AMZ1: variants seen among roughly 807,000 people sequenced by gnomAD.
The protein encoded by AMZ1 is archaemetzincin-1.
AMZ1 carries 39 observed loss-of-function variants against 29.9 expected under a neutral mutation model. That is an observed-to-expected ratio of 1.30 (90% confidence interval 1.01 to 1.70). The LOEUF is 1.70. Ranked by LOEUF, AMZ1 falls within the 40% of genes most tolerant of loss-of-function variation. The probability of loss-of-function intolerance (pLI) is 0.00; values close to 1 mark genes in which losing one functional copy is unlikely to be tolerated. For synonymous variants in AMZ1, 458 were observed against 304.0 expected (o/e 1.51, Z -5.27); for missense variants, 1,041 against 680.6 (o/e 1.53, Z -5.89).
At chr7:2,736,936 C>A (rs1384043583) in intron 4 of AMZ1, among the ~76,000 whole-genome samples, 3 of 152,208 alleles carry the variant, frequency 2.0e-5, no homozygotes, top group Non-Finnish European at 2.9e-5. Flanking sequence ...AGGACCAGAC[C>A]CTCGAGATCA....
At chr7:2,697,970 T>C (rs1336749649) in intron 1 of AMZ1, among the ~76,000 whole-genome samples, 1 of 152,242 alleles carries the variant, frequency 6.6e-6, no homozygotes, top group Non-Finnish European at 1.5e-5. Flanking sequence ...TGTGCACACA[T>C]GTATATACAG....
chr7:2,752,724 T>A (rs529575463), intron 4 of AMZ1, among the ~76,000 whole-genome samples: 1 of 152,272 alleles, frequency 6.6e-6, no homozygotes, highest in Non-Finnish European at 1.5e-5. Flanking sequence ...AACGTGAATT[T>A]TTTTTTGCCG....
chr7:2,761,669 A>T (rs1791561810), upstream of AMZ1, among the ~76,000 whole-genome samples: 1 of 152,172 alleles, frequency 6.6e-6, no homozygotes, highest in Admixed American at 6.5e-5. Context: ...CAGGATTTAC[A>T]ATTTGCAGCT....
chr7:2,697,316 C>T (rs987784279), intron 1 of AMZ1, among the ~76,000 whole-genome samples: 5 of 151,820 alleles, frequency 3.3e-5, no homozygotes, highest in African/African-American at 9.7e-5. Flanking sequence ...AGGATGGTCT[C>T]GAACTCCTGA....
At chr7:2,724,353 G>A (rs760328990), downstream of AMZ1, among the ~76,000 whole-genome samples, 8 of 152,254 alleles carry the variant, frequency 5.3e-5, no homozygotes, top group Non-Finnish European at 8.8e-5. Context: ...ACGACAAATA[G>A]GTGGGGTTAC....
chr7:2,744,097 G>A (rs1790646521), intron 4 of AMZ1, among the ~76,000 whole-genome samples: 1 of 152,220 alleles, frequency 6.6e-6, no homozygotes, highest in South Asian at 2.1e-4. Context: ...CTGGGGGCAG[G>A]GCACAGACAA....
At chr7:2,729,524 T>C (rs1028080543) in intron 4 of AMZ1, 1 of 152,326 alleles carries the variant, frequency 6.6e-6, no homozygotes, top group Non-Finnish European at 1.5e-5. Context: ...TGTCTCCCGA[T>C]GAGAACGCTG....
At chr7:2,703,737 C>G (rs145450031) in intron 3 of AMZ1, among the ~76,000 whole-genome samples, 6 of 152,222 alleles carry the variant, frequency 3.9e-5, no homozygotes, top group African/African-American at 1.4e-4. Flanking sequence ...GTTATCACCT[C>G]TGCCCCATTC....
rs180672044 is a variant in AMZ1 at position 2,700,818 on chromosome 7, G to T, written c.304+63G>T. 5.8e-5 allele frequency: 90 copies of T among 1,560,932 alleles called. No homozygotes were observed. In the African/African-American group the frequency reaches 1.0e-3, roughly 18 times the overall value. On this transcript the variant is annotated intron_variant, in intron 2 of 6. Coordinates refer to ENST00000683327, the MANE Select transcript of AMZ1 (RefSeq NM_001384743.1). The stretch of plus-strand genomic sequence containing the variant: ...GACCAGCTTATATATAGCACAAGTG[G>T]GGGATGTCTGTGCATAGCCCCCAGG...
chr7:2,764,789 C>A (rs148852844), exon 1 of AMZ1: 66 of 152,380 alleles, frequency 4.3e-4, no homozygotes, highest in African/African-American at 1.5e-3. Flanking sequence ...ATTCTCCCAG[C>A]GTGAGCCGGC....
chr7:2,746,510 T>G (rs1790770575), intron 4 of AMZ1, among the ~76,000 whole-genome samples: 1 of 151,736 alleles, frequency 6.6e-6, no homozygotes, highest in Non-Finnish European at 1.5e-5. Flanking sequence ...CTGGGACACA[T>G]TCAAAGCAGT....
At chr7:2,699,718 G>C (rs975778334) in intron 1 of AMZ1, among the ~76,000 whole-genome samples, 1 of 152,178 alleles carries the variant, frequency 6.6e-6, no homozygotes, top group African/African-American at 2.4e-5. Context: ...GCGATGGGGG[G>C]ACCCAGGTGA....
At chr7:2,706,515 A>T (rs116184960) in intron 3 of AMZ1, among the ~76,000 whole-genome samples, 1,728 of 152,330 alleles carry the variant, frequency 0.011, 44 homozygotes, top group African/African-American at 0.039. Flanking sequence ...TGGCAGGGCC[A>T]CGTGGTCTCA....
chr7:2,709,931 G>A (rs13224990), intron 6 of AMZ1, 115 bp downstream of exon 6: 615,909 of 1,413,346 alleles, frequency 0.44, 139,820 homozygotes, highest in Middle Eastern at 0.59. Context: ...GTCAACTGCC[G>A]GGTTCCAGGC....
downstream of AMZ1, among the ~76,000 whole-genome samples, chr7:2,720,223 G>A (rs1789360641): frequency 6.6e-6 from 1 of 152,156 alleles, no homozygotes; most frequent in East Asian, 1.9e-4. Context: ...CCACGCGGAC[G>A]CCCATCCACA....
At chr7:2,754,785 T>A (rs1293524577) in intron 4 of AMZ1, among the ~76,000 whole-genome samples, 1 of 152,094 alleles carries the variant, frequency 6.6e-6, no homozygotes, top group Non-Finnish European at 1.5e-5. Flanking sequence ...ATTTCAAATT[T>A]TGATGAAACA....
At chr7:2,728,483 TAA>T (rs1159912039) in intron 4 of AMZ1, 1 of 152,364 alleles carries the variant, frequency 6.6e-6, no homozygotes, top group African/African-American at 2.4e-5. Flanking sequence ...TCTACGAACA[TAA>T]GAGTTAAAAA....
intron 2 of AMZ1, 34 bp from the exon 3 acceptor site, chr7:2,702,688 C>T (rs560297819): frequency 6.0e-5 from 89 of 1,495,300 alleles, no homozygotes; most frequent in Admixed American, 1.3e-4. Flanking sequence ...CGGGCAGGGG[C>T]GTCGCAGGGC....
rs76478938 is a variant in AMZ1, at chr7:2,731,391, C to T, written n.550+21575C>T. On this transcript the variant is annotated intron_variant and non_coding_transcript_variant, in intron 4 of 4. Coordinates refer to the AMZ1 transcript ENST00000489665. The surrounding 1 kb of genome is among the most constrained non-coding windows in gnomAD (Gnocchi z 6.0). ...GGTCGCCCCTGAAGTCCGGGAAGTGCTTCTTGATGCTCACGGTCTTCACCT... is the reference window on the plus strand; with the variant it reads ...GGTCGCCCCTGAAGTCCGGGAAGTGTTTCTTGATGCTCACGGTCTTCACCT... 3 of 1,613,280 alleles carry T rather than the reference C, an allele frequency of 1.9e-6. No homozygotes were observed. The South Asian group carries it at 3.3e-5, about 18-fold the overall frequency.
Sources: gnomAD v4.1 joint callset for allele counts (sites outside exome capture counted in the v4.1 genomes callset) on GRCh38, gnomAD v4.1.1 for gene constraint, Gnocchi (gnomAD v3.1) non-coding constraint, MANE v1.5 for transcripts, NCBI Gene and HGNC (gene_info 2026-07-23, HGNC 2026-07-21) for gene names.